The following PUDP variants were observed in gnomAD, a reference collection of about 807,000 sequenced individuals.
The protein encoded by PUDP is pseudouridine-5'-phosphatase.
Under a neutral mutation model 9.4 loss-of-function variants are expected in PUDP, and 8 were observed. The observed-to-expected ratio is 0.85, with a 90% CI of 0.50 to 1.53. The LOEUF is 1.53. PUDP is among the 40% of genes most tolerant of loss of function. The pLI, the probability that PUDP is intolerant of heterozygous loss-of-function variation, is 0.00. For synonymous variants in PUDP, 99 were observed against 80.7 expected (o/e 1.23, Z -1.22); for missense variants, 188 against 189.7 (o/e 0.99, Z 0.05).
intron 1 of PUDP, among the ~76,000 whole-genome samples, chrX:7,110,862 C>A (rs1932027402): frequency 9.0e-6 from 1 of 111,447 alleles, no homozygotes; most frequent in Non-Finnish European, 1.9e-5. Context: ...AGGAACAAAT[C>A]ACAATGGTGG....
At chrX:6,829,975 A>C (rs1926480341) in intron 3 of PUDP, among the ~76,000 whole-genome samples, 1 of 110,538 alleles carries the variant, frequency 9.0e-6, no homozygotes, top group African/African-American at 3.3e-5. Context: ...CATTAATTGA[A>C]AAATAATCTA....
intron 3 of PUDP, among the ~76,000 whole-genome samples, chrX:7,054,480 T>C (rs1365750031): frequency 9.0e-6 from 1 of 111,655 alleles, no homozygotes; most frequent in Non-Finnish European, 1.9e-5. Flanking sequence ...ATTTGAAATA[T>C]GTCCATGTGA....
At chrX:7,115,406 A>G (rs149541994) in intron 1 of PUDP, among the ~76,000 whole-genome samples, 1 of 112,616 alleles carries the variant, frequency 8.9e-6, no homozygotes, top group Non-Finnish European at 1.9e-5. Context: ...ATGTTCTAAC[A>G]TAAGATCCTC....
chrX:6,970,440 G>A lies in PUDP; in HGVS notation c.*247+6693C>T, dbSNP rs111274153. Among the ~76,000 whole-genome samples the A allele has an allele frequency of 2.5e-3, 283 of 111,573 alleles. 1 individual carries two copies. The highest frequency in any genetic ancestry group is 8.7e-3 in the African/African-American group (267 of 30,717). ...GTAGGGAGGTGAGCAGTAGGGGGTT[G>A]CCGGATGGATGATGGATTTGAGCGA... On this transcript the variant is annotated intron_variant and NMD_transcript_variant, in intron 3 of 3. Coordinates refer to the PUDP transcript ENST00000655425.
At chrX:6,773,941 C>G (rs764994310) in intron 3 of PUDP, among the ~76,000 whole-genome samples, 3 of 111,516 alleles carry the variant, frequency 2.7e-5, no homozygotes, top group Non-Finnish European at 5.6e-5. Flanking sequence ...GAATTTGAGA[C>G]CAGCCTGGCC....
intron 1 of PUDP, among the ~76,000 whole-genome samples, chrX:7,039,204 C>T (rs775198990): frequency 9.0e-6 from 1 of 111,698 alleles, no homozygotes; most frequent in African/African-American, 3.3e-5. Flanking sequence ...GCTGGGATTA[C>T]AGGTGTGTCC....
At chrX:6,793,907 C>A (rs988842750) in intron 3 of PUDP, among the ~76,000 whole-genome samples, 3 of 111,411 alleles carry the variant, frequency 2.7e-5, no homozygotes, top group African/African-American at 9.8e-5. Context: ...TGTAATGGGA[C>A]CCCACTGTGT....
At chrX:6,923,837 G>A (rs1928060358) in intron 3 of PUDP, among the ~76,000 whole-genome samples, 2 of 111,427 alleles carry the variant, frequency 1.8e-5, no homozygotes, top group Non-Finnish European at 3.8e-5. Flanking sequence ...AGGCTTGACT[G>A]TGACTCTCAA....
intron 3 of PUDP, among the ~76,000 whole-genome samples, chrX:6,864,757 C>T (rs1489990502): frequency 9.0e-6 from 1 of 111,705 alleles, no homozygotes; most frequent in East Asian, 2.8e-4. Context: ...CAAATGTTGG[C>T]CAAGTATTTC....
At chrX:6,914,626 T>C (rs1318029499) in intron 3 of PUDP, among the ~76,000 whole-genome samples, 1 of 112,283 alleles carries the variant, frequency 8.9e-6, no homozygotes, top group Non-Finnish European at 1.9e-5. Context: ...ATAGGCACGC[T>C]GGACCTGGAG....
intron 3 of PUDP, among the ~76,000 whole-genome samples, chrX:6,911,138 T>C (rs941665516): frequency 8.9e-6 from 1 of 111,786 alleles, no homozygotes; most frequent in Non-Finnish European, 1.9e-5. Flanking sequence ...GAATAAAAGA[T>C]AATAAACTTT....
intron 3 of PUDP, among the ~76,000 whole-genome samples, chrX:6,775,482 G>A (rs1373678781): frequency 2.6e-5 from 2 of 77,894 alleles, no homozygotes; most frequent in Admixed American, 3.0e-4. Context: ...TAGATAGATA[G>A]ATACACACAT....
intron 3 of PUDP, among the ~76,000 whole-genome samples, chrX:6,764,202 C>T (rs1024875964): frequency 9.0e-6 from 1 of 111,208 alleles, no homozygotes; most frequent in African/African-American, 3.3e-5. Context: ...GACAGAGAAT[C>T]AGATTGATGG....
intron 3 of PUDP, among the ~76,000 whole-genome samples, chrX:6,728,194 C>A (rs1413339611): frequency 9.0e-6 from 1 of 110,976 alleles, no homozygotes; most frequent in African/African-American, 3.3e-5. Context: ...GACTTATTCA[C>A]TACCACAAGA....
chrX:6,785,979 G>T (rs914583705), intron 3 of PUDP, among the ~76,000 whole-genome samples: 1 of 111,095 alleles, frequency 9.0e-6, no homozygotes, highest in Non-Finnish European at 1.9e-5. Flanking sequence ...ATTCTTGTCT[G>T]AGAAATGACT....
At chrX:6,916,472 T>C (rs1404040609) in intron 3 of PUDP, among the ~76,000 whole-genome samples, 1 of 108,583 alleles carries the variant, frequency 9.2e-6, no homozygotes, top group Non-Finnish European at 1.9e-5. Flanking sequence ...TAAGATGTAA[T>C]AAATGAGTAA....
exon 3 of PUDP, among the ~76,000 whole-genome samples, chrX:6,977,209 A>G (rs1026513395): frequency 2.7e-5 from 3 of 111,649 alleles, no homozygotes; most frequent in African/African-American, 9.8e-5. Context: ...GAAGAACCCA[A>G]TCTCACAACG....
At chrX:7,076,704 C>A (rs1375798209) in intron 3 of PUDP, among the ~76,000 whole-genome samples, 3 of 111,999 alleles carry the variant, frequency 2.7e-5, no homozygotes, top group African/African-American at 6.5e-5. Context: ...CTGCCACTTT[C>A]CAATGGAGAA....
chrX:7,003,990 C>T (rs183695649), intron 1 of PUDP, among the ~76,000 whole-genome samples: 21 of 111,238 alleles, frequency 1.9e-4, no homozygotes, highest in Admixed American at 2.9e-4. Flanking sequence ...GTCCTCTCAC[C>T]TTGCTCTCCT....
Sources: gnomAD v4.1 joint callset for allele counts (sites outside exome capture counted in the v4.1 genomes callset) on GRCh38, gnomAD v4.1.1 for gene constraint, MANE v1.5 for transcripts, NCBI Gene and HGNC (gene_info 2026-07-23, HGNC 2026-07-21) for gene names.